Variants in PRL observed in about 807,000 individuals in gnomAD.
PRL encodes decidual prolactin.
A neutral mutation model predicts 21.3 loss-of-function variants in PRL; 24 were observed. That is an observed-to-expected ratio of 1.13 (90% CI 0.82 to 1.59). The LOEUF (loss-of-function observed/expected upper bound fraction) is 1.59, where lower values mean the gene tolerates loss of function less well. Ranked by LOEUF, PRL falls within the 40% of genes most tolerant of loss-of-function variation. The pLI is 0.00. For synonymous variants in PRL, 118 were observed against 115.7 expected (o/e 1.02, Z -0.13); for missense variants, 243 against 286.9 (o/e 0.85, Z 1.10).
intron 3 of PRL, among the ~76,000 whole-genome samples, chr6:22,291,577 A>G (rs1416885658): frequency 6.6e-6 from 1 of 152,160 alleles, no homozygotes; most frequent in Non-Finnish European, 1.5e-5. Flanking sequence ...GTGCTCAAAA[A>G]ACTTAGGATT....
rs570230762 is a variant in PRL, at chr6:22,292,623, C to A, written c.227G>T (p.Arg76Leu). 7 of 1,613,776 alleles carry A rather than the reference C, an allele frequency of 4.3e-6. No individual in the cohort carries two copies. In the African/African-American group the frequency reaches 8.0e-5, roughly 18 times the overall value. ...GTTGATGGCCTTGGTAATGAACCCC[C>A]GGCCATGGGTATACCGTTTATCCTG... ...SEFDKRYTHG[R>L]GFITKAINSC... The change falls in exon 3 of 5, where the codon CGG becomes CTG. Residue 76 changes from arginine to leucine, a missense_variant. Coordinates refer to ENST00000306482, the MANE Select transcript of PRL (RefSeq NM_000948.6).
At chr6:22,297,190 T>C, upstream of PRL, 1 of 590,576 alleles carries the variant, frequency 1.7e-6, no homozygotes, top group South Asian at 2.2e-5. Context: ...TATTTCTTAT[T>C]CATATTCAGG....
chr6:22,291,297 G>A (rs547101568), intron 3 of PRL, among the ~76,000 whole-genome samples: 3 of 152,262 alleles, frequency 2.0e-5, no homozygotes, highest in Non-Finnish European at 2.9e-5. Flanking sequence ...GCAACACAAC[G>A]ATTAAGAGTA....
At chr6:22,300,612 G>T (rs1761266298), upstream of PRL, among the ~76,000 whole-genome samples, 1 of 152,178 alleles carries the variant, frequency 6.6e-6, no homozygotes, top group Non-Finnish European at 1.5e-5. Context: ...TTTATCTAAA[G>T]TTTTTTCTTT....
At chr6:22,294,327 G>A in intron 2 of PRL, 82 bp downstream of exon 2, 3 of 1,545,176 alleles carry the variant, frequency 1.9e-6, no homozygotes, top group South Asian at 1.1e-5. Context: ...GGCTCGGGAG[G>A]TTTTCTAGGT....
At position 22,287,476 on chromosome 6, in the gene PRL, G is replaced by A. The variant is rs1031323680; in HGVS notation, c.610C>T (p.Arg204Cys). The A allele has an allele frequency of 6.2e-7, 1 of 1,614,132 alleles. No individual in the cohort carries two copies. The change falls in exon 5 of 5, where the codon CGC becomes TGC. Residue 204 changes from arginine (R) to cysteine (C), a missense_variant. Physicochemically the swap from Arg to Cys is radical, Grantham distance 180. Coordinates refer to ENST00000306482, the MANE Select transcript of PRL (RefSeq NM_000948.6). ...TTGTCGATTTTATGTGAATCCCTGC[G>A]TAGGCAGTGGAGCAGGTTATAATAA... Reference protein sequence around the residue: ...SAYYNLLHCLRRDSHKIDNYL... With the variant: ...SAYYNLLHCLCRDSHKIDNYL...
intron 1 of PRL, among the ~76,000 whole-genome samples, chr6:22,296,701 C>T (rs763262245): frequency 2.0e-5 from 3 of 152,194 alleles, no homozygotes; most frequent in Non-Finnish European, 4.4e-5. Flanking sequence ...ACTTTTCCCT[C>T]ACTTCCCCAC....
chr6:22,298,073 G>A (rs189829897), upstream of PRL, among the ~76,000 whole-genome samples: 96 of 152,246 alleles, frequency 6.3e-4, no homozygotes, highest in Non-Finnish European at 4.4e-5. Context: ...ACACATGTGT[G>A]TGCACACACA....
At chr6:22,294,307 T>C (rs1051619322) in intron 2 of PRL, 102 bp downstream of exon 2, 22 of 1,362,544 alleles carry the variant, frequency 1.6e-5, no homozygotes, top group Non-Finnish European at 1.6e-5. Context: ...AAATGTATCG[T>C]TTGAAATTTG....
chr6:22,293,645 A>G (rs371949297), intron 2 of PRL, among the ~76,000 whole-genome samples: 22 of 54,990 alleles, frequency 4.0e-4, no homozygotes, highest in South Asian at 1.4e-3. Flanking sequence ...GAAGGAAGGA[A>G]GGAAGGAAGG....
At chr6:22,289,558 A>C (rs1261385685) in intron 4 of PRL, among the ~76,000 whole-genome samples, 1 of 152,208 alleles carries the variant, frequency 6.6e-6, no homozygotes, top group Non-Finnish European at 1.5e-5. Context: ...ACTTTCTATA[A>C]ATTACAAAAT....
chr6:22,297,875 A>G (rs546989095), upstream of PRL, among the ~76,000 whole-genome samples: 1 of 152,300 alleles, frequency 6.6e-6, no homozygotes, highest in African/African-American at 2.4e-5. Flanking sequence ...CCAGCCTAAT[A>G]ATTCTATAGT....
upstream of PRL, among the ~76,000 whole-genome samples, chr6:22,298,431 T>C (rs1761222835): frequency 6.6e-6 from 1 of 152,218 alleles, no homozygotes; most frequent in Non-Finnish European, 1.5e-5. Context: ...ATGAATGAGG[T>C]AATTTAAAAA....
intron 4 of PRL, among the ~76,000 whole-genome samples, 190 bp from the exon 5 acceptor site, chr6:22,287,783 C>A (rs888056597): frequency 7.2e-5 from 11 of 152,110 alleles, no homozygotes; most frequent in Non-Finnish European, 1.5e-4. Context: ...AAGCAGAATA[C>A]CTGTTTAGGT....
At position 22,287,349 on chromosome 6, in the gene PRL, A is replaced by T. The variant is rs1760941276; in HGVS notation, c.*53T>A. On this transcript the variant is annotated 3_prime_UTR_variant, in exon 5 of 5. Coordinates refer to ENST00000306482, the MANE Select transcript of PRL (RefSeq NM_000948.6). ...AGAGATACAACTAAAAGAAGCTTGCAATGGAACGGATCATTAAGGACCTTC... is the reference window on the plus strand; with the variant it reads ...AGAGATACAACTAAAAGAAGCTTGCTATGGAACGGATCATTAAGGACCTTC... 2.6e-6 allele frequency: 4 copies of T among 1,512,998 alleles called. No homozygotes were observed. The South Asian group carries it at 3.8e-5, about 15-fold the overall frequency. 93.7% of individuals were successfully genotyped at this position (1,512,998 alleles called of 1,614,324 possible). A position where few individuals can be genotyped will look rare whatever the true frequency, so the allele number is the denominator to read the frequency against.
chr6:22,302,633 G>A (rs1761303207), intron 1 of PRL, among the ~76,000 whole-genome samples: 1 of 152,080 alleles, frequency 6.6e-6, no homozygotes, highest in South Asian at 2.1e-4. Flanking sequence ...AAGAACCAAA[G>A]AAACAGAGAA....
intron 2 of PRL, 140 bp downstream of exon 2, chr6:22,294,269 A>G: frequency 1.1e-6 from 1 of 904,528 alleles, no homozygotes; most frequent in Non-Finnish European, 1.7e-6. Context: ...TCCACATCTT[A>G]TGAGCTGGTG....
Position 22,292,562 on chromosome 6 carries a change from G to A in PRL, c.288C>T (p.Asp96=). 7 of 1,614,148 alleles carry A rather than the reference G, an allele frequency of 4.3e-6. No homozygotes were observed. The highest frequency in any genetic ancestry group is 5.9e-6 in the Non-Finnish European group (7 of 1,180,024). The change falls in exon 3 of 5, where the codon GAC becomes GAT. Residue 96 remains aspartate (D), a synonymous_variant. Transcript: ENST00000306482. ...CHTSSLATPE[D]KEQAQQMNQK... ...CATTCATCTGTTGGGCTTGCTCCTT[G>A]TCTTCGGGGGTGGCAAGGGAAGAAG...
chr6:22,301,788 A>G (rs1201609022), upstream of PRL, among the ~76,000 whole-genome samples: 1 of 152,046 alleles, frequency 6.6e-6, no homozygotes, highest in Non-Finnish European at 1.5e-5. Context: ...TTCATGTCTT[A>G]TCAGTATAAC....
Sources: allele counts gnomAD v4.1 joint callset (sites outside exome capture counted in the v4.1 genomes callset), GRCh38; gene constraint gnomAD v4.1.1; transcripts MANE v1.5; gene names NCBI Gene and HGNC (gene_info 2026-07-23, HGNC 2026-07-21).